PBX1: variants seen among roughly 807,000 people sequenced by gnomAD.
PBX1 encodes the protein pre-B-cell leukemia transcription factor 1.
Under a neutral mutation model 53.4 loss-of-function variants are expected in PBX1, and 6 were observed. The ratio of observed to expected loss-of-function variants is 0.11; its 90% CI spans 0.06 to 0.22. The LOEUF (loss-of-function observed/expected upper bound fraction) is 0.22. PBX1 is among the 10% of genes least tolerant of loss of function. PBX1 has a pLI of 1.00. For missense variants in PBX1, 251 were observed against 551.4 expected, an observed-to-expected ratio of 0.46 and a Z score of 5.46; for synonymous variants, 204 against 212.3, an observed-to-expected ratio of 0.96 and a Z score of 0.34.
At chr1:164,854,945 CTTTTTTTTTTT>C (rs539213655), downstream of PBX1, among the ~76,000 whole-genome samples, 79 of 116,352 alleles carry the variant, frequency 6.8e-4, no homozygotes, top group Middle Eastern at 5.4e-3. Flanking sequence ...CTCTCTCTCT[CTTTTTTTTTTT>C]TTTTTTTTTT....
At chr1:164,705,419 T>A (rs998086922) in intron 2 of PBX1, among the ~76,000 whole-genome samples, 1 of 152,238 alleles carries the variant, frequency 6.6e-6, no homozygotes, top group Non-Finnish European at 1.5e-5. Flanking sequence ...TTAAATAAGG[T>A]GTTTCCCCCA....
At chr1:164,690,385 C>T (rs903947900) in intron 2 of PBX1, among the ~76,000 whole-genome samples, 5 of 152,160 alleles carry the variant, frequency 3.3e-5, no homozygotes, top group African/African-American at 1.2e-4. Context: ...GTCAGGCCTA[C>T]TCTGAAAAGG....
chr1:164,786,740 C>T lies in PBX1; in HGVS notation c.266-5754C>T, dbSNP rs111346252. 3.6e-3 allele frequency among the ~76,000 whole-genome samples: 541 copies of T among 150,376 alleles called. 5 individuals are homozygous for T. Among genetic ancestry groups the T allele is most frequent in the African/African-American group, 0.013 (517 of 40,748 alleles). The stretch of plus-strand genomic sequence containing the variant: ...GTGTGTGCGCGCGCACACACACACA[C>T]GCACAGAATAGATATCACATCCATG... On this transcript the variant is annotated intron_variant, in intron 2 of 8. Transcript: ENST00000420696.
At chr1:164,679,035 G>A (rs1661597210) in intron 2 of PBX1, among the ~76,000 whole-genome samples, 1 of 152,148 alleles carries the variant, frequency 6.6e-6, no homozygotes, top group Non-Finnish European at 1.5e-5. Context: ...GTATCTTCTT[G>A]TATCAAGACC....
Position 164,628,770 on chromosome 1 carries a change from A to G in PBX1, c.265+65459A>G, listed in dbSNP as rs560421766. Among the ~76,000 whole-genome samples the G allele has an allele frequency of 5.3e-5, 8 of 152,170 alleles. 1 individual carries two copies. Among genetic ancestry groups the G allele is most frequent in the African/African-American group, 1.9e-4 (8 of 41,534 alleles). ...TATATGATATGTGGGGTGCTATAAA[A>G]TTTTTAGTGCCTTAGTTTGGGTTGA... On this transcript the variant is annotated intron_variant, in intron 2 of 8. Transcript: ENST00000420696.
chr1:164,648,968 TCA>T (rs1659624440), intron 2 of PBX1, among the ~76,000 whole-genome samples: 1 of 152,198 alleles, frequency 6.6e-6, no homozygotes, highest in Admixed American at 6.5e-5. Context: ...ACCTTTGGTA[TCA>T]CAGTTTTGTG....
At chr1:164,707,729 G>A (rs1002760386) in intron 2 of PBX1, among the ~76,000 whole-genome samples, 1 of 152,176 alleles carries the variant, frequency 6.6e-6, no homozygotes, top group Non-Finnish European at 1.5e-5. Context: ...GGAGGAAGAG[G>A]AAAGAAAACG....
chr1:164,658,609 G>A (rs1289354096), intron 2 of PBX1, among the ~76,000 whole-genome samples: 1 of 152,122 alleles, frequency 6.6e-6, no homozygotes, highest in African/African-American at 2.4e-5. Flanking sequence ...ATGGTTCTTA[G>A]AGTCAAAACT....
At chr1:164,801,075 G>A (rs1366765999) in intron 4 of PBX1, among the ~76,000 whole-genome samples, 2 of 151,696 alleles carry the variant, frequency 1.3e-5, no homozygotes, top group Admixed American at 1.3e-4. Flanking sequence ...TTTAGTCAAT[G>A]TGTTTTGGGT....
At chr1:164,695,954 C>T (rs907870764) in intron 2 of PBX1, among the ~76,000 whole-genome samples, 1 of 152,068 alleles carries the variant, frequency 6.6e-6, no homozygotes, top group African/African-American at 2.4e-5. Flanking sequence ...GTGGTTTAGA[C>T]CAAGTTGGAA....
rs1668977302 is a variant in PBX1 at position 164,799,803 on chromosome 1, C to G, written c.615C>G (p.His205Gln). 6.2e-7 allele frequency: 1 copy of G among 1,614,078 alleles called. No individual in the cohort carries two copies. Among genetic ancestry groups the G allele is most frequent in the African/African-American group, 1.3e-5 (1 of 74,950 alleles). Reference sequence around the variant, plus strand: ...TTGAGCGGATGGTCAGCATCATCCACCGCAAGTTCAGCTCCATCCAGATGC... The same window carrying G: ...TTGAGCGGATGGTCAGCATCATCCAGCGCAAGTTCAGCTCCATCCAGATGC... ...KEIERMVSII[H>Q]RKFSSIQMQL... The change falls in exon 4 of 9, where the codon CAC (histidine) becomes CAG (glutamine). Residue 205 changes from histidine to glutamine, a missense_variant. Coordinates refer to ENST00000420696, the MANE Select transcript of PBX1 (RefSeq NM_002585.4).
At chr1:164,737,883 A>T (rs1571314193) in intron 2 of PBX1, among the ~76,000 whole-genome samples, 1 of 151,984 alleles carries the variant, frequency 6.6e-6, no homozygotes, top group Admixed American at 6.6e-5. Flanking sequence ...TTTACAGTCA[A>T]CCTTCCCCAC....
chr1:164,834,332 C>T (rs1400299022), intron 8 of PBX1, among the ~76,000 whole-genome samples: 1 of 150,702 alleles, frequency 6.6e-6, no homozygotes, highest in East Asian at 2.0e-4. Context: ...TTTCCATTGG[C>T]CCTATTTTTC....
intron 2 of PBX1, among the ~76,000 whole-genome samples, chr1:164,869,537 A>C (rs1672298652): frequency 6.6e-6 from 1 of 152,156 alleles, no homozygotes; most frequent in Non-Finnish European, 1.5e-5. Flanking sequence ...CACTCATTTA[A>C]TGAGAGTTTA....
intron 2 of PBX1, among the ~76,000 whole-genome samples, chr1:164,567,779 G>A (rs1040906012): frequency 2.0e-5 from 3 of 152,190 alleles, no homozygotes; most frequent in African/African-American, 7.2e-5. Context: ...AAAGCTGCCA[G>A]AATGAGAATT....
At chr1:164,696,843 A>G (rs1173536142) in intron 2 of PBX1, among the ~76,000 whole-genome samples, 1 of 152,166 alleles carries the variant, frequency 6.6e-6, no homozygotes, top group Non-Finnish European at 1.5e-5. Context: ...TGAGCTCACT[A>G]GTTCCAGTGA....
chr1:164,564,623 C>T (rs943208140), intron 2 of PBX1, among the ~76,000 whole-genome samples: 2 of 152,158 alleles, frequency 1.3e-5, no homozygotes, highest in South Asian at 2.1e-4. Flanking sequence ...GTTCAGACCT[C>T]TAAGTCTTCC....
At chr1:164,572,320 AT>A (rs1653938367) in intron 2 of PBX1, among the ~76,000 whole-genome samples, 1 of 152,084 alleles carries the variant, frequency 6.6e-6, no homozygotes, top group South Asian at 2.1e-4. Context: ...CCATTCAATG[AT>A]GTCTCCTCTC....
intron 5 of PBX1, among the ~76,000 whole-genome samples, chr1:164,811,328 T>C (rs969302323): frequency 2.6e-5 from 4 of 152,224 alleles, no homozygotes; most frequent in Admixed American, 6.5e-5. Flanking sequence ...ATTAGGTTTA[T>C]TGTGTCTGCT....
Sources: gnomAD v4.1 joint callset for allele counts (sites outside exome capture counted in the v4.1 genomes callset) on GRCh38, gnomAD v4.1.1 for gene constraint, MANE v1.5 for transcripts, NCBI Gene and HGNC (gene_info 2026-07-23, HGNC 2026-07-21) for gene names.